The following NKAIN2 variants were observed in gnomAD, a reference collection of about 807,000 sequenced individuals.
NKAIN2 encodes sodium/potassium transporting ATPase interacting 2.
A neutral mutation model predicts 32.6 loss-of-function variants in NKAIN2; 14 were observed. The ratio of observed to expected loss-of-function variants is 0.43; its 90% CI spans 0.28 to 0.67. NKAIN2 has a LOEUF of 0.67. NKAIN2 is among the 30% of genes least tolerant of loss of function. NKAIN2 has a pLI of 0.17. For missense variants in NKAIN2, 198 were observed against 258.3 expected (o/e 0.77, Z 1.60); for synonymous variants, 80 against 87.2 (o/e 0.92, Z 0.46).
chr6:124,176,692 T>C (rs1582795464), intron 1 of NKAIN2, among the ~76,000 whole-genome samples: 1 of 143,644 alleles, frequency 7.0e-6, no homozygotes, highest in East Asian at 2.0e-4. Flanking sequence ...CATGTTAATA[T>C]GTAATTTAAC....
At chr6:124,359,800 C>T (rs1423619927) in intron 3 of NKAIN2, among the ~76,000 whole-genome samples, 1 of 152,230 alleles carries the variant, frequency 6.6e-6, no homozygotes, top group East Asian at 1.9e-4. Context: ...CCAGAACTTC[C>T]AACACTATGT....
In NKAIN2 at chr6:124,372,255, C is replaced by T. The variant is rs72965883; in HGVS notation, c.273+16908C>T. On this transcript the variant is annotated intron_variant, in intron 3 of 6. Transcript: ENST00000368417. ...CTAAATATTTCATCATATGTTTGGC[C>T]GAATTTCAAGTTACATTCTCCCAGC... Among the ~76,000 whole-genome samples the T allele has an allele frequency of 8.4e-3, 1,284 of 151,964 alleles. 10 individuals carry two copies. The highest frequency in any genetic ancestry group is 0.013 in the Non-Finnish European group (888 of 67,962).
At chr6:123,986,427 AG>A (rs1779139026) in intron 1 of NKAIN2, among the ~76,000 whole-genome samples, 1 of 152,172 alleles carries the variant, frequency 6.6e-6, no homozygotes, top group Non-Finnish European at 1.5e-5. Context: ...TCAGTTGCCC[AG>A]GTATATATAC....
intron 3 of NKAIN2, among the ~76,000 whole-genome samples, chr6:124,383,969 A>G (rs992124591): frequency 1.5e-4 from 23 of 152,188 alleles, no homozygotes; most frequent in Admixed American, 1.4e-3. Context: ...TACCTACATT[A>G]GACAATGCAA....
In NKAIN2 at chr6:124,191,055, G is replaced by A. The variant is rs572238664; in HGVS notation, c.55-91950G>A. ...AGTCCGTGGTTTATGTGAGGTTCAC[G>A]CTTGCTGTTGTACATTCTATTGGCT... On this transcript the variant is annotated intron_variant, in intron 1 of 6. Transcript: ENST00000368417. Among the ~76,000 whole-genome samples the A allele has an allele frequency of 6.6e-5, 10 of 152,252 alleles. No individual in the cohort carries two copies. In the South Asian group the frequency reaches 1.0e-3, roughly 16 times the overall value.
intron 1 of NKAIN2, among the ~76,000 whole-genome samples, chr6:123,871,193 A>G (rs1373641723): frequency 1.3e-5 from 2 of 152,154 alleles, no homozygotes; most frequent in Non-Finnish European, 2.9e-5. Flanking sequence ...TCATGTTGTG[A>G]CTATAAAGTA....
chr6:124,615,178 A>G (rs1782838960), intron 3 of NKAIN2, among the ~76,000 whole-genome samples: 1 of 152,180 alleles, frequency 6.6e-6, no homozygotes, highest in Non-Finnish European at 1.5e-5. Flanking sequence ...TTACATCCAT[A>G]AAGATCCATT....
intron 1 of NKAIN2, among the ~76,000 whole-genome samples, chr6:124,169,127 T>C (rs779470878): frequency 4.6e-5 from 7 of 152,260 alleles, no homozygotes; most frequent in Non-Finnish European, 7.4e-5. Flanking sequence ...ACATTTAAAT[T>C]TTGATGTTTA....
intron 4 of NKAIN2, among the ~76,000 whole-genome samples, chr6:124,752,297 A>G (rs1777757927): frequency 6.6e-6 from 1 of 152,026 alleles, no homozygotes; most frequent in Non-Finnish European, 1.5e-5. Flanking sequence ...TATTTTAGAT[A>G]TGTTTCTTCC....
intron 3 of NKAIN2, among the ~76,000 whole-genome samples, chr6:124,623,424 C>G (rs1276497651): frequency 1.3e-5 from 2 of 152,028 alleles, no homozygotes; most frequent in African/African-American, 4.8e-5. Context: ...TTTCTTAGGG[C>G]ACAACACCTA....
chr6:124,307,584 G>A (rs1796557434), intron 2 of NKAIN2, among the ~76,000 whole-genome samples: 1 of 152,118 alleles, frequency 6.6e-6, no homozygotes, highest in African/African-American at 2.4e-5. Flanking sequence ...TCCTGTGGTT[G>A]TCACTGATGG....
At chr6:123,898,311 G>A (rs889475220) in intron 1 of NKAIN2, among the ~76,000 whole-genome samples, 1 of 152,084 alleles carries the variant, frequency 6.6e-6, no homozygotes, top group African/African-American at 2.4e-5. Flanking sequence ...AAATAAATTT[G>A]TACTTCTGAT....
chr6:124,300,980 G>A (rs752958420), intron 2 of NKAIN2, among the ~76,000 whole-genome samples: 2 of 152,182 alleles, frequency 1.3e-5, no homozygotes, highest in African/African-American at 2.4e-5. Context: ...TAAGTAACAA[G>A]GAGCCAAATG....
intron 1 of NKAIN2, among the ~76,000 whole-genome samples, chr6:124,079,781 A>C (rs1783866944): frequency 6.6e-6 from 1 of 152,106 alleles, no homozygotes. Context: ...AGCCTGTAGC[A>C]CTAGGGAGTA....
intron 1 of NKAIN2, among the ~76,000 whole-genome samples, chr6:123,985,688 A>G (rs1283947254): frequency 6.6e-6 from 1 of 152,214 alleles, no homozygotes; most frequent in Non-Finnish European, 1.5e-5. Context: ...AGACCTATGA[A>G]ACAGCTAAAA....
chr6:124,158,840 C>A (rs1788124165), intron 1 of NKAIN2, among the ~76,000 whole-genome samples: 1 of 152,150 alleles, frequency 6.6e-6, no homozygotes, highest in African/African-American at 2.4e-5. Flanking sequence ...ATTGTAGGAG[C>A]TTTTCTTATA....
intron 3 of NKAIN2, among the ~76,000 whole-genome samples, chr6:124,557,846 A>C (rs1780533538): frequency 6.6e-6 from 1 of 152,254 alleles, no homozygotes; most frequent in Non-Finnish European, 1.5e-5. Flanking sequence ...ACAGCGCATC[A>C]CTTTGACTTA....
intron 5 of NKAIN2, among the ~76,000 whole-genome samples, chr6:124,799,120 T>C (rs1422254845): frequency 6.6e-6 from 1 of 152,218 alleles, no homozygotes; most frequent in Non-Finnish European, 1.5e-5. Flanking sequence ...AAAGACATGC[T>C]GCCATGTATA....
At chr6:124,170,231 T>C (rs1788776621) in intron 1 of NKAIN2, among the ~76,000 whole-genome samples, 1 of 152,200 alleles carries the variant, frequency 6.6e-6, no homozygotes, top group African/African-American at 2.4e-5. Flanking sequence ...TTCCACTGCT[T>C]TATTGTTCCT....
Sources: allele counts gnomAD v4.1 joint callset (sites outside exome capture counted in the v4.1 genomes callset), GRCh38; gene constraint gnomAD v4.1.1; transcripts MANE v1.5; gene names NCBI Gene and HGNC (gene_info 2026-07-23, HGNC 2026-07-21).